CACNB2: variants seen among roughly 807,000 people sequenced by gnomAD.
The protein encoded by CACNB2 is voltage-dependent L-type calcium channel subunit beta-2.
Under a neutral mutation model 73.3 loss-of-function variants are expected in CACNB2, and 42 were observed. The observed-to-expected ratio is 0.57, with a 90% CI of 0.45 to 0.74. The LOEUF (loss-of-function observed/expected upper bound fraction) is 0.74. Ranked by LOEUF, CACNB2 falls within the 30% of genes least tolerant of loss-of-function variation. CACNB2 has a pLI of 0.00. For missense variants in CACNB2, 940 were observed against 853.0 expected, an observed-to-expected ratio of 1.10 and a Z score of -1.27; for synonymous variants, 348 against 310.3, an observed-to-expected ratio of 1.12 and a Z score of -1.28.
intron 2 of CACNB2, among the ~76,000 whole-genome samples, chr10:18,181,086 GT>G (rs779579594): frequency 3.5e-4 from 46 of 132,910 alleles, no homozygotes; most frequent in Non-Finnish European, 5.8e-4. Flanking sequence ...AAAAAAAGAG[GT>G]CAAGCATATC....
chr10:18,400,995 G>A, intron 2 of CACNB2: 1 of 1,613,866 alleles, frequency 6.2e-7, no homozygotes, highest in Non-Finnish European at 8.5e-7. Context: ...CTGTGCCCGG[G>A]GCTGCAGCTG....
chr10:18,479,708 GCTC>G (rs1215527794), intron 3 of CACNB2, among the ~76,000 whole-genome samples: 82 of 134,850 alleles, frequency 6.1e-4, no homozygotes, highest in African/African-American at 2.2e-3. Flanking sequence ...TCGCTCGCTC[GCTC>G]TCTCGCTCTC....
chr10:18,356,942 C>CTTTTTTTTTTTTTTTTTTTTTTT lies in CACNB2; in HGVS notation c.214-44962_214-44961insTTTTTTTTTTTTTTTTTTTTTTT, dbSNP rs71402158. Among the ~76,000 whole-genome samples the CTTTTTTTTTTTTTTTTTTTTTTT allele has an allele frequency of 8.9e-5, 9 of 101,096 alleles. 1 individual carries two copies. The highest frequency in any genetic ancestry group is 1.4e-4 in the Non-Finnish European group (7 of 49,176). The allele number at this position is 101,096 out of a possible 152,430, so 66.3% of individuals were successfully genotyped here. A position where few individuals can be genotyped will look rare whatever the true frequency, so the allele number is the denominator to read the frequency against. ...ACTGTGCCTGGCCCAGACTCAATTT[C>CTTTTTTTTTTTTTTTTTTTTTTT]TTTTTTTTTTTTTTTTTTTTGAGAC... On this transcript the variant is annotated intron_variant, in intron 2 of 13. Transcript: ENST00000324631.
At chr10:18,477,995 C>A (rs1045154063) in intron 3 of CACNB2, among the ~76,000 whole-genome samples, 1 of 152,096 alleles carries the variant, frequency 6.6e-6, no homozygotes, top group Non-Finnish European at 1.5e-5. Context: ...AGTGCAAAGG[C>A]GCCATCTCGG....
At chr10:18,425,209 C>T (rs1372032608) in intron 3 of CACNB2, among the ~76,000 whole-genome samples, 1 of 151,940 alleles carries the variant, frequency 6.6e-6, no homozygotes, top group African/African-American at 2.4e-5. Context: ...TACAAGAGGA[C>T]TTTCTATATT....
chr10:18,514,327 G>C lies in CACNB2; in HGVS notation c.762G>C (p.Thr254=). The C allele has an allele frequency of 6.2e-7, 1 of 1,614,078 alleles. No homozygotes were observed. The highest frequency in any genetic ancestry group is 8.5e-7 in the Non-Finnish European group (1 of 1,180,012). Residue 254 remains threonine, a synonymous_variant, in exon 7 of 14, where the codon ACG becomes ACC. Transcript: ENST00000324631. ...CTAAACCCAGTGCAAACAGTGTAAC[G>C]TCACCCCACTCCAAAGAGAAAAGAA... The part of the protein sequence containing the change: ...RSPKPSANSV[T]SPHSKEKRMP...
intron 3 of CACNB2, among the ~76,000 whole-genome samples, chr10:18,467,501 G>A (rs2047958573): frequency 6.6e-6 from 1 of 152,194 alleles, no homozygotes; most frequent in Admixed American, 6.5e-5. Context: ...AGTCTAGTAA[G>A]ACTAGACCTA....
intron 2 of CACNB2, among the ~76,000 whole-genome samples, chr10:18,386,308 T>G (rs1040992765): frequency 1.4e-4 from 22 of 152,038 alleles, no homozygotes; most frequent in Admixed American, 7.9e-4. Flanking sequence ...TATTAATATA[T>G]GAAGGCATCA....
chr10:18,390,271 G>T lies in CACNB2; in HGVS notation c.214-11653G>T, dbSNP rs150191673. 9.4e-3 allele frequency among the ~76,000 whole-genome samples: 1,428 copies of T among 152,318 alleles called. 61 individuals are homozygous for T. In the South Asian group the frequency reaches 0.12, roughly 12 times the overall value. Reference sequence around the variant, plus strand: ...TCCTTCGCCCAGGCTGGAGTGCAGTGGCATGATCTTGGCTCACTGCAACCT... The same window carrying T: ...TCCTTCGCCCAGGCTGGAGTGCAGTTGCATGATCTTGGCTCACTGCAACCT... On this transcript the variant is annotated intron_variant, in intron 2 of 13. Transcript: ENST00000324631.
chr10:18,238,001 G>C (rs184807416), intron 2 of CACNB2, among the ~76,000 whole-genome samples: 1 of 152,164 alleles, frequency 6.6e-6, no homozygotes, highest in Admixed American at 6.6e-5. Context: ...TCTCTGTAGC[G>C]TGGAGCATAT....
chr10:18,247,430 C>T (rs927529273), intron 2 of CACNB2, among the ~76,000 whole-genome samples: 1 of 152,130 alleles, frequency 6.6e-6, no homozygotes, highest in Non-Finnish European at 1.5e-5. Context: ...AACCAAGAGA[C>T]AGAATAGTCA....
intron 2 of CACNB2, among the ~76,000 whole-genome samples, chr10:18,314,437 AC>A (rs1400760947): frequency 6.6e-6 from 1 of 152,016 alleles, no homozygotes; most frequent in African/African-American, 2.4e-5. Context: ...AATAGAGTAT[AC>A]TTTTTGTTTG....
At chr10:18,280,401 T>C (rs2038490202) in intron 2 of CACNB2, among the ~76,000 whole-genome samples, 1 of 152,204 alleles carries the variant, frequency 6.6e-6, no homozygotes. Flanking sequence ...TGTCCAAGGA[T>C]GCCCGAGCCA....
intron 2 of CACNB2, chr10:18,224,335 C>A (rs2035904368): frequency 1.2e-5 from 1 of 82,402 alleles, no homozygotes; most frequent in Non-Finnish European, 3.2e-5. Context: ...CAACTTCTCC[C>A]TTCAAAAAAA....
At chr10:18,221,450 A>C (rs1434026252) in intron 2 of CACNB2, among the ~76,000 whole-genome samples, 1 of 152,180 alleles carries the variant, frequency 6.6e-6, no homozygotes, top group African/African-American at 2.4e-5. Flanking sequence ...AGGCTGAAGC[A>C]AGAGGATCAC....
intron 2 of CACNB2, among the ~76,000 whole-genome samples, chr10:18,293,934 G>C (rs1440490015): frequency 6.6e-6 from 1 of 152,178 alleles, no homozygotes; most frequent in African/African-American, 2.4e-5. Context: ...GGTTTTTTAG[G>C]TATTGAATGA....
At chr10:18,431,859 G>A (rs2045906156) in intron 3 of CACNB2, among the ~76,000 whole-genome samples, 1 of 152,020 alleles carries the variant, frequency 6.6e-6, no homozygotes, top group South Asian at 2.1e-4. Context: ...CTGCCTCCTG[G>A]GTTCAAGCAA....
At chr10:18,241,795 T>A (rs573978415) in intron 2 of CACNB2, among the ~76,000 whole-genome samples, 1 of 152,210 alleles carries the variant, frequency 6.6e-6, no homozygotes, top group African/African-American at 2.4e-5. Context: ...ATCTTTATAG[T>A]CTGCTGAAAA....
chr10:18,196,006 C>A (rs374863781), intron 2 of CACNB2, among the ~76,000 whole-genome samples: 35 of 152,224 alleles, frequency 2.3e-4, no homozygotes, highest in African/African-American at 8.2e-4. Context: ...GCAATAGTAA[C>A]CCTAGTGATG....
Sources: allele counts gnomAD v4.1 joint callset (sites outside exome capture counted in the v4.1 genomes callset), GRCh38; gene constraint gnomAD v4.1.1; transcripts MANE v1.5; gene names NCBI Gene and HGNC (gene_info 2026-07-23, HGNC 2026-07-21).